The following GLIS3 variants were observed in gnomAD, a reference collection of about 807,000 sequenced individuals.
GLIS3 encodes the protein GLIS family zinc finger 3, also known as zinc finger protein GLIS3.
Under a neutral mutation model 78.6 loss-of-function variants are expected in GLIS3, and 53 were observed. The observed-to-expected ratio is 0.67, with a 90% CI of 0.54 to 0.85. GLIS3 has a LOEUF of 0.85. Ranked by LOEUF, GLIS3 falls within the 40% of genes least tolerant of loss-of-function variation. The pLI is 0.00. For missense variants in GLIS3, 1,703 were observed against 1,231.1 expected, an observed-to-expected ratio of 1.38 and a Z score of -5.74; for synonymous variants, 684 against 509.9, an observed-to-expected ratio of 1.34 and a Z score of -4.60.
chr9:3,831,240 A>G (rs1207394696), intron 9 of GLIS3, among the ~76,000 whole-genome samples: 1 of 152,214 alleles, frequency 6.6e-6, no homozygotes, highest in African/African-American at 2.4e-5. Context: ...AAGCCAGAAG[A>G]AGAAAGAATG....
At chr9:3,909,997 CA>C (rs1198138791) in intron 6 of GLIS3, among the ~76,000 whole-genome samples, 2 of 152,200 alleles carry the variant, frequency 1.3e-5, no homozygotes, top group African/African-American at 4.8e-5. Context: ...ACCATGGTAG[CA>C]GTCCAGCCTT....
intron 2 of GLIS3, among the ~76,000 whole-genome samples, chr9:4,334,505 G>A (rs553861012): frequency 6.6e-6 from 1 of 152,192 alleles, no homozygotes; most frequent in East Asian, 1.9e-4. Flanking sequence ...TCCAAGCTAG[G>A]GCAGACTTTT....
At chr9:4,125,626 G>C in intron 3 of GLIS3, 108 bp downstream of exon 3, 1 of 783,234 alleles carries the variant, frequency 1.3e-6, no homozygotes, top group Non-Finnish European at 2.1e-6. Flanking sequence ...GAGTGTGTAA[G>C]TGTATGAGTG....
the GLIS3 span, among the ~76,000 whole-genome samples, chr9:4,374,491 C>G: frequency 6.6e-6 from 1 of 152,252 alleles, no homozygotes; most frequent in Non-Finnish European, 1.5e-5. Flanking sequence ...GAGCCCCTCA[C>G]ACAGGCTCAG....
At chr9:4,306,735 C>T (rs964288576) in intron 4 of GLIS3, among the ~76,000 whole-genome samples, 2 of 152,216 alleles carry the variant, frequency 1.3e-5, no homozygotes, top group Admixed American at 1.3e-4. Context: ...TGACTCCTAC[C>T]TTGGAAAGTT....
At chr9:4,259,598 C>G (rs73643722) in intron 2 of GLIS3, among the ~76,000 whole-genome samples, 3,692 of 152,272 alleles carry the variant, frequency 0.024, 149 homozygotes, top group African/African-American at 0.084. Flanking sequence ...CAAACTGAGA[C>G]CAAAGTTAAA....
intron 2 of GLIS3, among the ~76,000 whole-genome samples, chr9:4,152,992 T>C (rs975165333): frequency 5.3e-5 from 8 of 152,202 alleles, no homozygotes; most frequent in Admixed American, 3.3e-4. Context: ...TTGTGTTCCA[T>C]AGTTTTTTGT....
intron 4 of GLIS3, among the ~76,000 whole-genome samples, chr9:4,087,670 G>T (rs1461345930): frequency 6.6e-6 from 1 of 152,162 alleles, no homozygotes; most frequent in African/African-American, 2.4e-5. Flanking sequence ...AAGGGGGAAA[G>T]GTGGTACATC....
At chr9:4,235,298 C>A (rs1195850380) in intron 2 of GLIS3, among the ~76,000 whole-genome samples, 255 of 106,044 alleles carry the variant, frequency 2.4e-3, no homozygotes, top group South Asian at 3.4e-3. Flanking sequence ...GACTCTGTCT[C>A]AAAAAAAAAA....
intron 4 of GLIS3, among the ~76,000 whole-genome samples, chr9:3,991,754 G>A (rs897393193): frequency 3.6e-5 from 5 of 139,480 alleles, no homozygotes; most frequent in East Asian, 2.2e-4. Flanking sequence ...GCAGTGGTGG[G>A]ATCTCGGCTC....
the GLIS3 span, among the ~76,000 whole-genome samples, chr9:4,483,147 T>C: frequency 1.3e-5 from 2 of 152,178 alleles, no homozygotes; most frequent in South Asian, 2.1e-4. Context: ...AAGTTAAAGA[T>C]TAGTATCACT....
chr9:4,276,031 C>G (rs960555834), intron 2 of GLIS3, among the ~76,000 whole-genome samples: 1 of 151,956 alleles, frequency 6.6e-6, no homozygotes, highest in African/African-American at 2.4e-5. Context: ...GCCTGTAATC[C>G]TAGCACTTTG....
chr9:4,213,029 A>C (rs558030936), intron 2 of GLIS3, among the ~76,000 whole-genome samples: 1 of 152,272 alleles, frequency 6.6e-6, no homozygotes, highest in South Asian at 2.1e-4. Flanking sequence ...GCTGGAGAAG[A>C]GGCAGAAGCT....
intron 4 of GLIS3, among the ~76,000 whole-genome samples, chr9:3,970,975 A>G (rs919407378): frequency 2.6e-5 from 4 of 151,796 alleles, no homozygotes; most frequent in African/African-American, 7.3e-5. Flanking sequence ...GGAGAAAGGG[A>G]TGGAATGGAG....
chr9:3,860,920 G>A lies in GLIS3; in HGVS notation c.2298-4736C>T, dbSNP rs530572478. On this transcript the variant is annotated intron_variant, in intron 8 of 10. Coordinates refer to ENST00000381971, the MANE Select transcript of GLIS3 (RefSeq NM_001042413.2). The stretch of plus-strand genomic sequence containing the variant: ...CGTATATTTTAGTAAGGGGAGACAG[G>A]CAGTGAAGAAATTTAGTAAGCAATG... 3.3e-5 allele frequency among the ~76,000 whole-genome samples: 5 copies of A among 152,300 alleles called. No homozygotes were observed. In the South Asian group the frequency reaches 6.2e-4, roughly 19 times the overall value.
At position 4,329,855 on chromosome 9, in the gene GLIS3, C is replaced by T. The variant is rs188283507; in HGVS notation, n.264+17226G>A. 2.0e-3 allele frequency among the ~76,000 whole-genome samples: 312 copies of T among 152,234 alleles called. 2 individuals are homozygous for T. Among genetic ancestry groups the T allele is most frequent in the African/African-American group, 7.1e-3 (297 of 41,546 alleles). ...GGTGCTGGTAATGCAATGATGAATTCGACTGAAACAGTTCCTGCCCTTGGA... is the reference window on the plus strand; with the variant it reads ...GGTGCTGGTAATGCAATGATGAATTTGACTGAAACAGTTCCTGCCCTTGGA... On this transcript the variant is annotated intron_variant and non_coding_transcript_variant, in intron 2 of 4. Coordinates refer to the GLIS3 transcript ENST00000471664.
At chr9:4,433,764 C>G in the GLIS3 span, among the ~76,000 whole-genome samples, 6 of 152,160 alleles carry the variant, frequency 3.9e-5, no homozygotes, top group Non-Finnish European at 7.3e-5. Context: ...CACAGAAATC[C>G]CTGCTTCCAC....
intron 1 of GLIS3, among the ~76,000 whole-genome samples, chr9:4,292,343 A>C (rs147957667): frequency 3.7e-4 from 57 of 152,316 alleles, no homozygotes; most frequent in Non-Finnish European, 5.4e-4. Context: ...GGGTATACCT[A>C]TCTGCCCATT....
intron 2 of GLIS3, among the ~76,000 whole-genome samples, chr9:4,254,066 C>A (rs745851601): frequency 5.3e-5 from 8 of 152,116 alleles, no homozygotes; most frequent in African/African-American, 1.9e-4. Context: ...CCAGCCACCT[C>A]GAGGAAGAGA....
Sources: allele counts gnomAD v4.1 joint callset (sites outside exome capture counted in the v4.1 genomes callset), GRCh38; gene constraint gnomAD v4.1.1; transcripts MANE v1.5; gene names NCBI Gene and HGNC (gene_info 2026-07-23, HGNC 2026-07-21).